Variants in PIK3R1 observed in about 807,000 individuals in gnomAD.
PIK3R1 encodes the protein phosphoinositide-3-kinase regulatory subunit 1, also known as phosphatidylinositol 3-kinase regulatory subunit alpha.
In PIK3R1, 29 loss-of-function variants were observed where a neutral mutation model predicts 98.0. That is an observed-to-expected ratio of 0.30 (90% CI 0.22 to 0.40). The LOEUF is 0.40. PIK3R1 is among the 10% of genes least tolerant of loss of function. The probability of loss-of-function intolerance (pLI) is 1.00; values close to 1 mark genes in which losing one functional copy is unlikely to be tolerated. For synonymous variants in PIK3R1, 282 were observed against 311.8 expected, an observed-to-expected ratio of 0.90 and a Z score of 1.01; for missense variants, 596 against 872.7, an observed-to-expected ratio of 0.68 and a Z score of 3.99.
At chr5:68,276,685 A>G (rs977536914) in intron 4 of PIK3R1, among the ~76,000 whole-genome samples, 154 of 152,318 alleles carry the variant, frequency 1.0e-3, no homozygotes, top group Middle Eastern at 3.4e-3. Context: ...AATAGAACAG[A>G]CTTTGTCACT....
intron 2 of PIK3R1, among the ~76,000 whole-genome samples, chr5:68,238,159 G>A (rs1226188821): frequency 6.6e-6 from 1 of 152,196 alleles, no homozygotes; most frequent in Non-Finnish European, 1.5e-5. Context: ...GGCGGTGAAC[G>A]CAGGAGATTT....
chr5:68,242,051 C>T (rs1412321492), intron 2 of PIK3R1, among the ~76,000 whole-genome samples: 1 of 152,176 alleles, frequency 6.6e-6, no homozygotes, highest in East Asian at 1.9e-4. Context: ...TCAAAGTTTA[C>T]TTGAAATAAA....
intron 2 of PIK3R1, among the ~76,000 whole-genome samples, chr5:68,237,375 C>T (rs1297226889): frequency 6.6e-6 from 1 of 152,094 alleles, no homozygotes; most frequent in Non-Finnish European, 1.5e-5. Context: ...GGAAAGTTGG[C>T]CACTGCCAAA....
chr5:68,290,257 C>T (rs1322379900), intron 7 of PIK3R1, among the ~76,000 whole-genome samples: 1 of 152,102 alleles, frequency 6.6e-6, no homozygotes, highest in Non-Finnish European at 1.5e-5. Flanking sequence ...TTAAGTATAC[C>T]CTTTTAATGC....
At chr5:68,262,748 G>GATACATGT (rs1745863357) in intron 2 of PIK3R1, among the ~76,000 whole-genome samples, 1 of 141,024 alleles carries the variant, frequency 7.1e-6, no homozygotes, top group Non-Finnish European at 1.6e-5. Context: ...GATGCATGTA[G>GATACATGT]ATACATGTAT....
rs1366175886 is a variant in PIK3R1 at position 68,301,360 on chromosome 5, ATATATATGTGTG to A, written c.*3761_*3772del. The A allele has an allele frequency of 5.2e-4, 15 of 28,938 alleles. No individual in the cohort carries two copies. The highest frequency in any genetic ancestry group is 2.1e-3 in the African/African-American group (14 of 6,766). The allele number at this position is 28,938 out of a possible 1,614,324, so 1.8% of individuals were successfully genotyped here. ...GATGCTGCTATATATATATATATAT[ATATATATGTGTG>A]TGTGTGTGTGTGTGTGTGTGTATAT... On this transcript the variant is annotated 3_prime_UTR_variant, in exon 16 of 16. Coordinates refer to ENST00000521381, the MANE Select transcript of PIK3R1 (RefSeq NM_181523.3).
rs1446876232 is a variant in PIK3R1 at position 68,215,812 on chromosome 5, G to C, written c.-524G>C. Reference sequence around the variant, plus strand: ...GCAGCGGCAGCGGCGAGGGCGGCAGGCTAGCTGTCGGAGACGGCAAGCACG... The same window carrying C: ...GCAGCGGCAGCGGCGAGGGCGGCAGCCTAGCTGTCGGAGACGGCAAGCACG... On this transcript the variant is annotated 5_prime_UTR_variant, in exon 1 of 16. Transcript: ENST00000521381. 6.5e-6 allele frequency: 1 copy of C among 152,952 alleles called. No homozygotes were observed. The highest frequency in any genetic ancestry group is 2.4e-5 in the African/African-American group (1 of 41,458). The allele number at this position is 152,952 out of a possible 1,614,324, so 9.5% of individuals were successfully genotyped here.
At chr5:68,216,128 G>T (rs927102167) in intron 1 of PIK3R1, among the ~76,000 whole-genome samples, 179 bp downstream of exon 1, 2 of 151,936 alleles carry the variant, frequency 1.3e-5, no homozygotes, top group Non-Finnish European at 1.5e-5. Flanking sequence ...CCTGGCCGCC[G>T]GGCAGCACTA....
chr5:68,233,224 C>CA (rs752193279), intron 2 of PIK3R1, among the ~76,000 whole-genome samples: 1 of 152,134 alleles, frequency 6.6e-6, no homozygotes, highest in Non-Finnish European at 1.5e-5. Flanking sequence ...TAGTAAAAAC[C>CA]AAACAGATGT....
chr5:68,222,832 C>T (rs1744136855), intron 1 of PIK3R1, among the ~76,000 whole-genome samples: 1 of 152,102 alleles, frequency 6.6e-6, no homozygotes, highest in African/African-American at 2.4e-5. Context: ...AAGTTGAGTT[C>T]AGGCAGTAGA....
At chr5:68,283,316 C>T (rs1238703858) in intron 7 of PIK3R1, among the ~76,000 whole-genome samples, 1 of 152,176 alleles carries the variant, frequency 6.6e-6, no homozygotes, top group Non-Finnish European at 1.5e-5. Context: ...AATGACAAAG[C>T]TTATGATGTT....
At chr5:68,231,389 G>A (rs1235803699) in intron 2 of PIK3R1, among the ~76,000 whole-genome samples, 2 of 152,186 alleles carry the variant, frequency 1.3e-5, no homozygotes, top group African/African-American at 4.8e-5. Flanking sequence ...CATAAAGCAT[G>A]CATTTGACAT....
At chr5:68,296,945 A>G (rs1747749316) in intron 15 of PIK3R1, among the ~76,000 whole-genome samples, 2 of 152,226 alleles carry the variant, frequency 1.3e-5, no homozygotes, top group South Asian at 4.1e-4. Context: ...CTTACTGTGC[A>G]TAAGGGCACA....
intron 1 of PIK3R1, among the ~76,000 whole-genome samples, chr5:68,220,592 T>C (rs970445394): frequency 3.3e-5 from 5 of 152,216 alleles, no homozygotes; most frequent in Non-Finnish European, 7.3e-5. Context: ...CCTAGCTCCT[T>C]GTTGTGTTAC....
intron 7 of PIK3R1, chr5:68,290,999 T>A (rs903206019): frequency 1.8e-6 from 1 of 549,768 alleles, no homozygotes; most frequent in African/African-American, 1.9e-5. Flanking sequence ...TGTTTGACTG[T>A]CTGTGGAAGC....
At position 68,279,495 on chromosome 5, in the gene PIK3R1, AT is replaced by A. The variant is rs58796984; in HGVS notation, c.503-92del. The A allele has an allele frequency of 0.26, 169,483 of 654,044 alleles. 5,256 individuals carry two copies. Among genetic ancestry groups the A allele is most frequent in the African/African-American group, 0.41 (21,199 of 51,634 alleles). The allele number at this position is 654,044 out of a possible 1,614,324, so 40.5% of individuals were successfully genotyped here. On this transcript the variant is annotated intron_variant, in intron 4 of 15. Transcript: ENST00000521381. ...GTATTTATCCTCATATTGCTTCCTT[AT>A]TTTTTTTTTTTTTTGTCACATGTGA...
chr5:68,224,146 C>T (rs1434255995), intron 1 of PIK3R1, among the ~76,000 whole-genome samples: 1 of 152,128 alleles, frequency 6.6e-6, no homozygotes, highest in Admixed American at 6.5e-5. Flanking sequence ...GGCACATTGC[C>T]TGGTTTCTAA....
At chr5:68,246,438 A>C (rs892399149) in intron 2 of PIK3R1, among the ~76,000 whole-genome samples, 6 of 148,462 alleles carry the variant, frequency 4.0e-5, no homozygotes, top group African/African-American at 1.0e-4. Flanking sequence ...TTAGCCCCCC[A>C]GGTAGCTGAG....
intron 2 of PIK3R1, among the ~76,000 whole-genome samples, chr5:68,268,224 C>T (rs1180857337): frequency 6.6e-6 from 1 of 152,162 alleles, no homozygotes; most frequent in African/African-American, 2.4e-5. Context: ...AAACCTAAGC[C>T]TCTTTGGCTT....
Sources: allele counts gnomAD v4.1 joint callset (sites outside exome capture counted in the v4.1 genomes callset), GRCh38; gene constraint gnomAD v4.1.1; transcripts MANE v1.5; gene names NCBI Gene and HGNC (gene_info 2026-07-23, HGNC 2026-07-21).